Variants in CNTNAP2 observed in about 807,000 individuals in gnomAD.
CNTNAP2 encodes contactin-associated protein-like 2.
CNTNAP2 carries 98 observed loss-of-function variants against 155.2 expected under a neutral mutation model. The observed-to-expected ratio is 0.63, with a 90% CI of 0.54 to 0.75. The LOEUF is 0.75. Ranked by LOEUF, CNTNAP2 falls within the 30% of genes least tolerant of loss-of-function variation. The pLI, the probability that CNTNAP2 is intolerant of heterozygous loss-of-function variation, is 0.00. For synonymous variants in CNTNAP2, 651 were observed against 631.2 expected (o/e 1.03, Z -0.47); for missense variants, 1,727 against 1,688.1 (o/e 1.02, Z -0.40).
intron 1 of CNTNAP2, among the ~76,000 whole-genome samples, chr7:146,513,139 T>C (rs547130706): frequency 6.6e-6 from 1 of 152,088 alleles, no homozygotes; most frequent in African/African-American, 2.4e-5. Flanking sequence ...CTCCATTTAC[T>C]TGGAAACTTT....
intron 2 of CNTNAP2, among the ~76,000 whole-genome samples, chr7:146,830,928 C>T (rs1392873265): frequency 6.6e-6 from 1 of 152,130 alleles, no homozygotes; most frequent in Non-Finnish European, 1.5e-5. Context: ...ATTTGGGGCA[C>T]GATAACTAGC....
chr7:146,779,078 C>G (rs1802438358), intron 2 of CNTNAP2, among the ~76,000 whole-genome samples: 1 of 152,162 alleles, frequency 6.6e-6, no homozygotes, highest in Admixed American at 6.5e-5. Context: ...GGTACCTGCA[C>G]AGAGAAGGAT....
At chr7:147,925,156 AAGGAAG>A (rs745533552) in intron 14 of CNTNAP2, among the ~76,000 whole-genome samples, 3,114 of 60,734 alleles carry the variant, frequency 0.051, 47 homozygotes, top group African/African-American at 0.07. Context: ...AGAGAGAGAG[AAGGAAG>A]GAAGGAAGGA....
chr7:146,927,989 T>C (rs915996322), intron 3 of CNTNAP2, among the ~76,000 whole-genome samples: 1 of 149,918 alleles, frequency 6.7e-6, no homozygotes, highest in African/African-American at 2.4e-5. Context: ...AATATATATA[T>C]GTATATGCAT....
chr7:147,563,150 C>A (rs779572170), intron 12 of CNTNAP2, among the ~76,000 whole-genome samples: 1 of 152,128 alleles, frequency 6.6e-6, no homozygotes, highest in Non-Finnish European at 1.5e-5. Flanking sequence ...AGTAACTTTG[C>A]TAAATTCAGT....
intron 8 of CNTNAP2, among the ~76,000 whole-genome samples, chr7:147,272,171 G>T (rs1245107597): frequency 1.3e-5 from 2 of 152,096 alleles, no homozygotes; most frequent in Admixed American, 1.3e-4. Flanking sequence ...AGAATTACAG[G>T]CATAGCCACT....
chr7:146,717,015 A>G (rs1429715140), intron 1 of CNTNAP2, among the ~76,000 whole-genome samples: 2 of 151,806 alleles, frequency 1.3e-5, no homozygotes, highest in Non-Finnish European at 2.9e-5. Context: ...GAGGCAAACA[A>G]CTCCAAGATT....
At chr7:146,943,349 G>A (rs1306954277) in intron 3 of CNTNAP2, among the ~76,000 whole-genome samples, 7 of 152,162 alleles carry the variant, frequency 4.6e-5, no homozygotes, top group South Asian at 4.2e-4. Flanking sequence ...AAAATTAGCC[G>A]GGTGTGGTGG....
At chr7:147,117,302 A>G (rs573545843) in intron 5 of CNTNAP2, among the ~76,000 whole-genome samples, 1 of 152,066 alleles carries the variant, frequency 6.6e-6, no homozygotes, top group East Asian at 1.9e-4. Context: ...GGCTCACAAG[A>G]TCTCCTAATC....
chr7:146,753,032 T>C (rs1319188415), intron 1 of CNTNAP2, among the ~76,000 whole-genome samples: 2 of 152,156 alleles, frequency 1.3e-5, no homozygotes, highest in Non-Finnish European at 1.5e-5. Flanking sequence ...AGCCTGACTT[T>C]TATGGATTCA....
intron 16 of CNTNAP2, among the ~76,000 whole-genome samples, chr7:148,131,078 T>C (rs1585142334): frequency 6.7e-6 from 1 of 149,906 alleles, no homozygotes; most frequent in South Asian, 2.1e-4. Context: ...TCTTTTCTCT[T>C]TTCTTCTTCT....
At chr7:146,970,568 C>A (rs932239489) in intron 3 of CNTNAP2, among the ~76,000 whole-genome samples, 25 of 152,086 alleles carry the variant, frequency 1.6e-4, no homozygotes, top group African/African-American at 5.8e-4. Context: ...ACAACAGGTG[C>A]TGGAGAGGAT....
chr7:146,982,850 C>G (rs1431942159), intron 3 of CNTNAP2, among the ~76,000 whole-genome samples: 1 of 152,114 alleles, frequency 6.6e-6, no homozygotes, highest in Non-Finnish European at 1.5e-5. Flanking sequence ...AAAATAAATG[C>G]CCATTTCCAA....
chr7:147,446,646 G>C (rs1282478684), intron 10 of CNTNAP2, among the ~76,000 whole-genome samples: 2 of 152,180 alleles, frequency 1.3e-5, no homozygotes, highest in Admixed American at 6.5e-5. Flanking sequence ...CACCTCAAGA[G>C]ACTGTTTACA....
At chr7:148,250,679 T>A (rs1027015174) in intron 20 of CNTNAP2, among the ~76,000 whole-genome samples, 4 of 152,206 alleles carry the variant, frequency 2.6e-5, no homozygotes, top group Admixed American at 2.0e-4. Flanking sequence ...AGCAGAACAC[T>A]GCAGGAAAAC....
At position 146,752,763 on chromosome 7, in the gene CNTNAP2, A is replaced by C. The variant is rs535830682; in HGVS notation, c.98-21508A>C. Among the ~76,000 whole-genome samples the C allele has an allele frequency of 5.3e-5, 8 of 152,312 alleles. No individual in the cohort carries two copies. In the South Asian group the frequency reaches 1.7e-3, roughly 32 times the overall value. On this transcript the variant is annotated intron_variant, in intron 1 of 23. Transcript: ENST00000361727. ...TTTTATAGTTTGGGGTTTTACATGAAAGTCTTTAATCCATCTTGAGTTAAT... is the reference window on the plus strand; with the variant it reads ...TTTTATAGTTTGGGGTTTTACATGACAGTCTTTAATCCATCTTGAGTTAAT...
At chr7:146,124,077 A>G (rs571435184) in intron 1 of CNTNAP2, among the ~76,000 whole-genome samples, 39 of 152,278 alleles carry the variant, frequency 2.6e-4, no homozygotes, top group African/African-American at 9.1e-4. Flanking sequence ...GGAGGGGAAC[A>G]TCACACACCC....
chr7:147,096,797 A>G (rs899639127), intron 4 of CNTNAP2, among the ~76,000 whole-genome samples: 1 of 152,232 alleles, frequency 6.6e-6, no homozygotes, highest in African/African-American at 2.4e-5. Flanking sequence ...AGTAATGGAC[A>G]GCACCCAAGT....
intron 11 of CNTNAP2, among the ~76,000 whole-genome samples, chr7:147,560,747 T>A (rs1562997429): frequency 6.7e-6 from 1 of 150,234 alleles, no homozygotes; most frequent in South Asian, 2.1e-4. Flanking sequence ...AGGGAGGAAA[T>A]GAGGGAGGGA....
Sources: gnomAD v4.1 joint callset for allele counts (sites outside exome capture counted in the v4.1 genomes callset) on GRCh38, gnomAD v4.1.1 for gene constraint, MANE v1.5 for transcripts, NCBI Gene and HGNC (gene_info 2026-07-23, HGNC 2026-07-21) for gene names.